Variants in PPM1H observed in about 807,000 individuals in gnomAD.
PPM1H encodes the protein protein phosphatase, Mg2+/Mn2+ dependent 1H, also known as protein phosphatase 1H.
A neutral mutation model predicts 54.9 loss-of-function variants in PPM1H; 27 were observed. That is an observed-to-expected ratio of 0.49 (90% CI 0.36 to 0.68). The LOEUF is 0.68. Ranked by LOEUF, PPM1H falls within the 30% of genes least tolerant of loss-of-function variation. The pLI, the probability that PPM1H is intolerant of heterozygous loss-of-function variation, is 0.00. For missense variants in PPM1H, 596 were observed against 667.8 expected (o/e 0.89, Z 1.19); for synonymous variants, 305 against 270.8 (o/e 1.13, Z -1.24).
At chr12:62,661,170 C>T (rs908919223) in intron 9 of PPM1H, among the ~76,000 whole-genome samples, 27 of 152,120 alleles carry the variant, frequency 1.8e-4, no homozygotes, top group Admixed American at 1.5e-3. Context: ...ACCCTTGCCT[C>T]GCTCCTGTTT....
chr12:62,788,184 G>T, intron 4 of PPM1H, 42 bp downstream of exon 4: 10 of 1,227,884 alleles, frequency 8.1e-6, no homozygotes, highest in Non-Finnish European at 1.2e-5. Flanking sequence ...AACATCAGAA[G>T]GCATTAGAAA....
intron 8 of PPM1H, among the ~76,000 whole-genome samples, chr12:62,680,516 C>A (rs1204454469): frequency 6.6e-6 from 1 of 152,118 alleles, no homozygotes; most frequent in East Asian, 1.9e-4. Flanking sequence ...AGAATATTTC[C>A]TCTCAGAATC....
At chr12:62,803,549 A>G (rs1320738311) in intron 2 of PPM1H, among the ~76,000 whole-genome samples, 1 of 152,212 alleles carries the variant, frequency 6.6e-6, no homozygotes, top group Admixed American at 6.5e-5. Flanking sequence ...ATCCAACTCA[A>G]AATAGCCTAA....
chr12:62,920,592 G>GATTAT (rs1871764482), intron 1 of PPM1H, among the ~76,000 whole-genome samples: 1 of 146,624 alleles, frequency 6.8e-6, no homozygotes, highest in African/African-American at 2.5e-5. Flanking sequence ...AAAGTGCTGG[G>GATTAT]ATTATAGGCA....
chr12:62,896,307 C>T (rs1052802585), intron 1 of PPM1H, among the ~76,000 whole-genome samples: 5 of 152,192 alleles, frequency 3.3e-5, no homozygotes, highest in South Asian at 2.1e-4. Flanking sequence ...TCAGAGTGAA[C>T]AGGCAACCTA....
chr12:62,817,151 C>CAAAAAAAAAAAAAAAAAA (rs1565797674), intron 2 of PPM1H, among the ~76,000 whole-genome samples: 5 of 58,922 alleles, frequency 8.5e-5, no homozygotes, highest in East Asian at 4.8e-4. Flanking sequence ...AAAAAAAAAA[C>CAAAAAAAAAAAAAAAAAA]TAAAAAAAAG....
In PPM1H at chr12:62,793,043, C is replaced by T. The variant is rs532903257; in HGVS notation, c.757-4705G>A. Among the ~76,000 whole-genome samples, 6 of 152,120 alleles carry T rather than the reference C, an allele frequency of 3.9e-5. No homozygotes were observed. The East Asian group carries it at 7.7e-4, about 20-fold the overall frequency. On this transcript the variant is annotated intron_variant, in intron 3 of 9. Coordinates refer to ENST00000228705, the MANE Select transcript of PPM1H (RefSeq NM_020700.2). Reference sequence around the variant, plus strand: ...ATTTTTACAAAAATCAATGAAACCACGGGAAAAACTGCTTACTGCTTTGTG... The same window carrying T: ...ATTTTTACAAAAATCAATGAAACCATGGGAAAAACTGCTTACTGCTTTGTG...
chr12:62,786,396 G>A (rs193153950), intron 4 of PPM1H, among the ~76,000 whole-genome samples: 3 of 152,346 alleles, frequency 2.0e-5, no homozygotes, highest in East Asian at 3.9e-4. Context: ...CTGGAGGTAC[G>A]GCCCTGGCCT....
At chr12:62,682,358 A>G (rs2076023347) in intron 8 of PPM1H, among the ~76,000 whole-genome samples, 1 of 152,246 alleles carries the variant, frequency 6.6e-6, no homozygotes, top group African/African-American at 2.4e-5. Context: ...GAAAGCACAA[A>G]ATACAACAAA....
At chr12:62,791,062 CA>C (rs1418218608) in intron 3 of PPM1H, among the ~76,000 whole-genome samples, 1 of 152,002 alleles carries the variant, frequency 6.6e-6, no homozygotes, top group African/African-American at 2.4e-5. Context: ...GTTCAATGGA[CA>C]AATGAAGAAA....
chr12:62,658,715 T>A (rs2075862178), intron 9 of PPM1H: 1 of 348,484 alleles, frequency 2.9e-6, no homozygotes, highest in South Asian at 2.4e-5. Context: ...AACAGTTCAT[T>A]TCGTGACCCC....
chr12:62,760,793 A>G (rs993822639), intron 4 of PPM1H, among the ~76,000 whole-genome samples: 6 of 152,242 alleles, frequency 3.9e-5, no homozygotes, highest in Admixed American at 2.0e-4. Flanking sequence ...ACTAAAGAAA[A>G]ATAACTTTTC....
intron 1 of PPM1H, among the ~76,000 whole-genome samples, chr12:62,918,264 T>C (rs1004767642): frequency 5.3e-5 from 8 of 152,338 alleles, no homozygotes; most frequent in African/African-American, 1.9e-4. Flanking sequence ...GCTACTCCTC[T>C]GTCATGCTGT....
At chr12:62,771,295 GACACACACACACACACACACACAC>G (rs4026219) in intron 4 of PPM1H, among the ~76,000 whole-genome samples, 3 of 131,876 alleles carry the variant, frequency 2.3e-5, no homozygotes, top group Non-Finnish European at 3.3e-5. Context: ...ACTTTGTGAA[GACACACACACACACACACACACAC>G]ACACACACAC....
At chr12:62,708,797 T>C (rs4763028) in intron 6 of PPM1H, among the ~76,000 whole-genome samples, 10,429 of 152,248 alleles carry the variant, frequency 0.069, 473 homozygotes, top group East Asian at 0.12. Flanking sequence ...GATGCTAAGG[T>C]TTGAGGTACA....
At chr12:62,708,219 G>T (rs1357593775) in intron 6 of PPM1H, among the ~76,000 whole-genome samples, 1 of 152,194 alleles carries the variant, frequency 6.6e-6, no homozygotes, top group Non-Finnish European at 1.5e-5. Flanking sequence ...CTCTTAATAA[G>T]TCCTTGATTT....
chr12:62,646,923 A>AATT lies in PPM1H; in HGVS notation c.*1563_*1565dup, dbSNP rs2075788834. The stretch of plus-strand genomic sequence containing the variant: ...AAATTCAAACAAATATGAGAACTGG[A>AATT]ATTAGCTCTCTAGCATGCTGGGGGG... On this transcript the variant is annotated 3_prime_UTR_variant, in exon 10 of 10. Transcript: ENST00000228705. 6.6e-6 allele frequency: 1 copy of AATT among 152,214 alleles called. No individual in the cohort carries two copies. The highest frequency in any genetic ancestry group is 1.9e-4 in the East Asian group (1 of 5,190). 9.4% of individuals were successfully genotyped at this position (152,214 alleles called of 1,614,324 possible).
intron 8 of PPM1H, among the ~76,000 whole-genome samples, chr12:62,686,837 A>C (rs554219644): frequency 6.6e-6 from 1 of 152,212 alleles, no homozygotes; most frequent in South Asian, 2.1e-4. Context: ...AGTCCCTTTT[A>C]TCTACATGTA....
intron 1 of PPM1H, among the ~76,000 whole-genome samples, chr12:62,907,499 T>C (rs1871335302): frequency 6.6e-6 from 1 of 152,194 alleles, no homozygotes; most frequent in South Asian, 2.1e-4. Flanking sequence ...CCACTCTTTT[T>C]ACTGGGACTA....
Sources: gnomAD v4.1 joint callset for allele counts (sites outside exome capture counted in the v4.1 genomes callset) on GRCh38, gnomAD v4.1.1 for gene constraint, MANE v1.5 for transcripts, NCBI Gene and HGNC (gene_info 2026-07-23, HGNC 2026-07-21) for gene names.